The following UGT2B15 variants were observed in gnomAD, a reference collection of about 807,000 sequenced individuals.
UGT2B15 encodes UDP-glucuronosyltransferase 2B15.
Under a neutral mutation model 45.9 loss-of-function variants are expected in UGT2B15, and 36 were observed. That is an observed-to-expected ratio of 0.78 (90% confidence interval 0.60 to 1.04). UGT2B15 has a LOEUF of 1.04. Among genes scored for constraint, UGT2B15 ranks in the 50% least tolerant of loss-of-function variants. The pLI is 0.00. For missense variants in UGT2B15, 617 were observed against 622.4 expected, an observed-to-expected ratio of 0.99 and a Z score of 0.09; for synonymous variants, 219 against 216.4, an observed-to-expected ratio of 1.01 and a Z score of -0.11.
intron 4 of UGT2B15, among the ~76,000 whole-genome samples, chr4:68,654,706 T>C (rs1215117802): frequency 6.6e-6 from 1 of 151,966 alleles, no homozygotes; most frequent in Admixed American, 6.6e-5. Context: ...CCATAAAAAG[T>C]AGAGTCACTG....
At position 68,651,178 on chromosome 4, in the gene UGT2B15, G is replaced by A. The variant is rs184600496; in HGVS notation, c.1313+2859C>T. 2.6e-3 allele frequency among the ~76,000 whole-genome samples: 392 copies of A among 151,914 alleles called. 2 individuals carry two copies. Among genetic ancestry groups the A allele is most frequent in the Non-Finnish European group, 4.3e-3 (295 of 67,890 alleles). Reference sequence around the variant, plus strand: ...TGATTTGACCCCATTTGTCAATTTTGGCTTTTGTTGCAATTGCTTTTGGTG... The same window carrying A: ...TGATTTGACCCCATTTGTCAATTTTAGCTTTTGTTGCAATTGCTTTTGGTG... On this transcript the variant is annotated intron_variant, in intron 5 of 5. Transcript: ENST00000338206.
At position 68,654,078 on chromosome 4, in the gene UGT2B15, T is replaced by C; in HGVS notation, c.1272A>G (p.Arg424=). The part of the protein sequence containing the change: ...LSVDIRTMSS[R]DLLNALKSVI... ...CTGACTTCAATGCATTGAGCAAATC[T>C]CTACTTGACATGGTCCTGATGTCCA... Residue 424 remains arginine (R), a synonymous_variant, in exon 5 of 6, where the codon AGA becomes AGG. Transcript: ENST00000338206. 1 of 1,613,584 alleles carries C rather than the reference T, an allele frequency of 6.2e-7. No homozygotes were observed. Among genetic ancestry groups the C allele is most frequent in the Non-Finnish European group, 8.5e-7 (1 of 1,179,642 alleles).
At chr4:68,657,606 A>G (rs1279718922) in intron 3 of UGT2B15, among the ~76,000 whole-genome samples, 1 of 152,114 alleles carries the variant, frequency 6.6e-6, no homozygotes, top group Non-Finnish European at 1.5e-5. Context: ...TGACACCTCT[A>G]CTTGGCAGAG....
chr4:68,661,967 T>C (rs1168779424), intron 3 of UGT2B15, among the ~76,000 whole-genome samples: 1 of 152,076 alleles, frequency 6.6e-6, no homozygotes, highest in Non-Finnish European at 1.5e-5. Context: ...GTCATTACCA[T>C]GTCTAGTACC....
chr4:68,661,419 A>G (rs181751443), intron 3 of UGT2B15, among the ~76,000 whole-genome samples: 54 of 152,142 alleles, frequency 3.5e-4, no homozygotes, highest in Admixed American at 4.6e-4. Context: ...ATATTTAAGA[A>G]TTGTTAAGCA....
rs199547744 is a variant in UGT2B15 at position 68,647,219 on chromosome 4, T to A, written c.1478A>T (p.Asp493Val). ...GCAGGCCAGCAGGAATGCTATCACATCCAAAGAGTGGTACTGGATCCAGGT... is the reference window on the plus strand; with the variant it reads ...GCAGGCCAGCAGGAATGCTATCACAACCAAAGAGTGGTACTGGATCCAGGT... ...NLTWIQYHSL[D>V]VIAFLLACVA... is the part of the protein sequence containing the mutation. The change falls in exon 6 of 6, where the codon GAT (aspartate) becomes GTT (valine). Residue 493 changes from aspartate to valine, a missense_variant. Physicochemically the swap from Asp to Val is radical, Grantham distance 152 (BLOSUM62 -3). This residue lies in a region of UGT2B15 where 265 missense variants were observed against 245.1 expected (regional missense o/e 1.08). Coordinates refer to ENST00000338206, the MANE Select transcript of UGT2B15 (RefSeq NM_001076.4). 8.7e-4 allele frequency: 1,408 copies of A among 1,613,910 alleles called. 11 individuals carry two copies. Among genetic ancestry groups the A allele is most frequent in the Non-Finnish European group, 1.9e-4 (230 of 1,179,926 alleles).
intron 3 of UGT2B15, among the ~76,000 whole-genome samples, chr4:68,659,560 T>C (rs10034132): frequency 0.49 from 73,818 of 151,736 alleles, 21,116 homozygotes; most frequent in Non-Finnish European, 0.65. Context: ...GTGTACGTTA[T>C]CAGTAACAAT....
At chr4:68,656,990 C>T (rs1264624044) in intron 3 of UGT2B15, among the ~76,000 whole-genome samples, 1 of 151,592 alleles carries the variant, frequency 6.6e-6, no homozygotes, top group Non-Finnish European at 1.5e-5. Flanking sequence ...TATTTTTTTC[C>T]TCCTAGGAAG....
chr4:68,669,591 CT>C (rs199934576), intron 1 of UGT2B15, among the ~76,000 whole-genome samples: 61 of 152,046 alleles, frequency 4.0e-4, no homozygotes, highest in African/African-American at 1.2e-3. Flanking sequence ...TATCTATTGA[CT>C]TTTTTTAAAG....
rs181581978 is a variant in UGT2B15, at chr4:68,651,913, G to A, written c.1313+2124C>T. Among the ~76,000 whole-genome samples, 89 of 152,156 alleles carry A rather than the reference G, an allele frequency of 5.8e-4. 1 individual carries two copies. The highest frequency in any genetic ancestry group is 2.1e-3 in the African/African-American group (87 of 41,498). On this transcript the variant is annotated intron_variant, in intron 5 of 5. Transcript: ENST00000338206. The stretch of plus-strand genomic sequence containing the variant: ...GTTTTTTTCTAATTCTGTGAGGAAT[G>A]TCAATGGTAGTTTGATGGGAATAGC...
At chr4:68,654,794 G>C (rs773692664) in intron 4 of UGT2B15, among the ~76,000 whole-genome samples, 9 of 151,904 alleles carry the variant, frequency 5.9e-5, no homozygotes, top group Non-Finnish European at 1.0e-4. Flanking sequence ...AGGTAAAGCT[G>C]CATAAATAGG....
At chr4:68,648,619 T>G (rs561862984) in intron 5 of UGT2B15, among the ~76,000 whole-genome samples, 4 of 152,224 alleles carry the variant, frequency 2.6e-5, no homozygotes, top group African/African-American at 9.6e-5. Context: ...GTATATATAC[T>G]ATGTGACTAC....
chr4:68,656,948 TA>T (rs1258562524), intron 3 of UGT2B15, among the ~76,000 whole-genome samples: 4 of 152,114 alleles, frequency 2.6e-5, no homozygotes, highest in Non-Finnish European at 5.9e-5. Flanking sequence ...GGTGGCTGAG[TA>T]CAGTTTACTG....
intron 3 of UGT2B15, among the ~76,000 whole-genome samples, chr4:68,660,853 A>G (rs1160146683): frequency 2.0e-5 from 3 of 151,816 alleles, no homozygotes; most frequent in Non-Finnish European, 4.4e-5. Context: ...AAACTCCAGA[A>G]GAAAATAACA....
chr4:68,665,548 T>A (rs550711385), intron 2 of UGT2B15, among the ~76,000 whole-genome samples: 2 of 152,256 alleles, frequency 1.3e-5, no homozygotes, highest in Non-Finnish European at 2.9e-5. Context: ...CAGTTTCATG[T>A]GAGTATATTA....
intron 3 of UGT2B15, among the ~76,000 whole-genome samples, chr4:68,659,195 C>CTTT (rs1732892100): frequency 6.6e-6 from 1 of 151,928 alleles, no homozygotes; most frequent in Non-Finnish European, 1.5e-5. Context: ...ATTGAGTCTC[C>CTTT]TCTCTCAAAG....
In UGT2B15 at chr4:68,647,013, G is replaced by C. The variant is rs1732493705; in HGVS notation, c.*91C>G. 4 of 1,506,760 alleles carry C rather than the reference G, an allele frequency of 2.7e-6. No individual in the cohort carries two copies. In the Admixed American group the frequency reaches 8.9e-5, roughly 34 times the overall value. The allele number at this position is 1,506,760 out of a possible 1,614,324, so 93.3% of individuals were successfully genotyped here. A position where few individuals can be genotyped will look rare whatever the true frequency, so the allele number is the denominator to read the frequency against. On this transcript the variant is annotated 3_prime_UTR_variant, in exon 6 of 6. Transcript: ENST00000338206. ...GTTGTGAAAAGATGTTTTGTCACAG[G>C]AAAAAGGAAATCCTCCATTTAAAAC...
At chr4:68,652,431 T>G (rs896838148) in intron 5 of UGT2B15, among the ~76,000 whole-genome samples, 7 of 151,490 alleles carry the variant, frequency 4.6e-5, no homozygotes, top group Non-Finnish European at 1.0e-4. Flanking sequence ...TATTTTAATT[T>G]TCTAACCTGT....
At chr4:68,657,283 C>T (rs564674335) in intron 3 of UGT2B15, among the ~76,000 whole-genome samples, 14 of 152,116 alleles carry the variant, frequency 9.2e-5, no homozygotes, top group African/African-American at 3.1e-4. Context: ...CAGGGAAATC[C>T]CCAATAAAAA....
Sources: gnomAD v4.1 joint callset for allele counts (sites outside exome capture counted in the v4.1 genomes callset) on GRCh38, gnomAD v4.1.1 for gene constraint, gnomAD v4.1.1 regional missense constraint, MANE v1.5 for transcripts, NCBI Gene and HGNC (gene_info 2026-07-23, HGNC 2026-07-21) for gene names.